The following NOL4 variants were observed in gnomAD, a reference collection of about 807,000 sequenced individuals.
NOL4 encodes the protein nucleolar protein 4, also known as cancer/testis antigen 125.
Under a neutral mutation model 75.9 loss-of-function variants are expected in NOL4, and 17 were observed. The observed-to-expected ratio is 0.22, with a 90% confidence interval of 0.15 to 0.34. The LOEUF is 0.34. NOL4 is among the 10% of genes least tolerant of loss of function. The pLI is 1.00. For missense variants in NOL4, 614 were observed against 793.5 expected (o/e 0.77, Z 2.72); for synonymous variants, 292 against 289.9 (o/e 1.01, Z -0.07).
At chr18:34,115,135 T>A (rs778622934) in intron 2 of NOL4, among the ~76,000 whole-genome samples, 1 of 152,148 alleles carries the variant, frequency 6.6e-6, no homozygotes, top group African/African-American at 2.4e-5. Flanking sequence ...AGCACAAAGA[T>A]GGAGTCTCCT....
chr18:33,872,934 A>C (rs1258465800), intron 10 of NOL4, among the ~76,000 whole-genome samples: 1 of 152,022 alleles, frequency 6.6e-6, no homozygotes, highest in African/African-American at 2.4e-5. Flanking sequence ...ACACTGGCAG[A>C]AAAAATTCCT....
intron 1 of NOL4, among the ~76,000 whole-genome samples, chr18:34,136,440 C>G (rs1392170970): frequency 6.6e-6 from 1 of 151,966 alleles, no homozygotes; most frequent in Non-Finnish European, 1.5e-5. Flanking sequence ...GACATGATCT[C>G]ATATATAGAA....
At chr18:34,129,426 C>T (rs778925922) in intron 2 of NOL4, among the ~76,000 whole-genome samples, 20 of 151,548 alleles carry the variant, frequency 1.3e-4, no homozygotes, top group Non-Finnish European at 2.1e-4. Context: ...ATAAAATATT[C>T]CTCATGACTT....
chr18:33,892,369 T>C (rs1368376990), intron 9 of NOL4, among the ~76,000 whole-genome samples: 4 of 152,122 alleles, frequency 2.6e-5, no homozygotes, highest in Non-Finnish European at 5.9e-5. Flanking sequence ...AGTCTGAGAC[T>C]ATAGTGAGCT....
At chr18:33,976,266 A>G (rs990992175) in intron 6 of NOL4, among the ~76,000 whole-genome samples, 7 of 152,192 alleles carry the variant, frequency 4.6e-5, no homozygotes, top group Non-Finnish European at 1.0e-4. Flanking sequence ...TTTCTGTCAG[A>G]GAAAAATTGC....
At chr18:33,995,413 T>C (rs1323765489) in intron 6 of NOL4, among the ~76,000 whole-genome samples, 1 of 151,690 alleles carries the variant, frequency 6.6e-6, no homozygotes, top group African/African-American at 2.4e-5. Context: ...GTACCTATTA[T>C]ATGATCTACT....
intron 9 of NOL4, among the ~76,000 whole-genome samples, chr18:33,897,592 A>G (rs7235714): frequency 0.014 from 2,172 of 152,226 alleles, 50 homozygotes; most frequent in African/African-American, 0.049. Flanking sequence ...AGAAGGAAAC[A>G]GACACTGGGT....
intron 6 of NOL4, among the ~76,000 whole-genome samples, chr18:33,986,543 G>A (rs1350572319): frequency 1.3e-5 from 2 of 152,070 alleles, no homozygotes; most frequent in South Asian, 2.1e-4. Context: ...TAAAACTCAT[G>A]AATTGTTTAT....
chr18:34,206,968 A>G lies in NOL4; in HGVS notation c.264+16022T>C, dbSNP rs374181682. 7.9e-5 allele frequency among the ~76,000 whole-genome samples: 12 copies of G among 151,444 alleles called. 1 individual carries two copies. Among genetic ancestry groups the G allele is most frequent in the African/African-American group, 2.9e-4 (12 of 41,222 alleles). On this transcript the variant is annotated intron_variant, in intron 1 of 10. Coordinates refer to ENST00000261592, the MANE Select transcript of NOL4 (RefSeq NM_003787.5). ...GAGTCCATGAATTTTAAATTCATGG[A>G]CTCTTTCATCTGCCATCTCCATTCT...
At chr18:34,089,757 G>A (rs1481326381) in intron 5 of NOL4, among the ~76,000 whole-genome samples, 1 of 152,180 alleles carries the variant, frequency 6.6e-6, no homozygotes, top group Non-Finnish European at 1.5e-5. Context: ...GAGAAGGGGA[G>A]CTAAGAACAT....
intron 9 of NOL4, among the ~76,000 whole-genome samples, chr18:33,915,262 C>A (rs754190723): frequency 3.3e-5 from 5 of 151,906 alleles, no homozygotes; most frequent in Non-Finnish European, 7.4e-5. Context: ...GGGGTGGTAG[C>A]AAAAACCTGA....
At chr18:34,041,866 T>G (rs1419124057) in intron 5 of NOL4, among the ~76,000 whole-genome samples, 2 of 151,926 alleles carry the variant, frequency 1.3e-5, no homozygotes, top group African/African-American at 4.8e-5. Flanking sequence ...TTAATATTTA[T>G]TATACAGGGC....
At chr18:34,221,885 G>A in intron 1 of NOL4, 1 of 660,540 alleles carries the variant, frequency 1.5e-6, no homozygotes, top group Non-Finnish European at 2.5e-6. Flanking sequence ...GCATCCTCCA[G>A]GAATACTGCA....
chr18:34,133,223 G>C (rs2080738454), intron 1 of NOL4, among the ~76,000 whole-genome samples: 1 of 138,906 alleles, frequency 7.2e-6, no homozygotes, highest in African/African-American at 2.7e-5. Flanking sequence ...AGTGAGCCAA[G>C]ATCACACCAT....
At chr18:33,871,879 T>C (rs550008070) in intron 10 of NOL4, among the ~76,000 whole-genome samples, 155 of 152,176 alleles carry the variant, frequency 1.0e-3, no homozygotes, top group African/African-American at 3.6e-3. Context: ...TCTTGGAGGC[T>C]TTCTGCCCTG....
In NOL4 at chr18:34,219,511, G is replaced by T. The variant is rs563532242; in HGVS notation, c.264+3479C>A. Among the ~76,000 whole-genome samples the T allele has an allele frequency of 2.0e-5, 3 of 152,274 alleles. No individual in the cohort carries two copies. The East Asian group carries it at 5.8e-4, about 29-fold the overall frequency. ...AAGTGTGATGTTTCCACTAATTGTTGCCAGAAAACGTTAATCAGGATCAAA... is the reference window on the plus strand; with the variant it reads ...AAGTGTGATGTTTCCACTAATTGTTTCCAGAAAACGTTAATCAGGATCAAA... On this transcript the variant is annotated intron_variant, in intron 1 of 10. Transcript: ENST00000261592.
chr18:33,998,054 G>A (rs1274135549), intron 6 of NOL4, among the ~76,000 whole-genome samples: 1 of 151,976 alleles, frequency 6.6e-6, no homozygotes, highest in East Asian at 1.9e-4. Context: ...GATTCCCTAT[G>A]TGAAATGTCT....
intron 5 of NOL4, among the ~76,000 whole-genome samples, chr18:34,086,177 A>G (rs2078234371): frequency 6.6e-6 from 1 of 152,160 alleles, no homozygotes; most frequent in African/African-American, 2.4e-5. Flanking sequence ...GCAGCATTGT[A>G]TCATTTTTAG....
intron 10 of NOL4, among the ~76,000 whole-genome samples, chr18:33,877,374 G>C (rs769368348): frequency 6.9e-6 from 1 of 145,934 alleles, no homozygotes; most frequent in Non-Finnish European, 1.5e-5. Flanking sequence ...CAGCTACTCA[G>C]ACGACTGAGG....
Sources: gnomAD v4.1 joint callset for allele counts (sites outside exome capture counted in the v4.1 genomes callset) on GRCh38, gnomAD v4.1.1 for gene constraint, MANE v1.5 for transcripts, NCBI Gene and HGNC (gene_info 2026-07-23, HGNC 2026-07-21) for gene names.